Variants in ERG observed in about 807,000 individuals in gnomAD.
ERG encodes the protein ETS transcription factor ERG.
A neutral mutation model predicts 55.3 loss-of-function variants in ERG; 9 were observed. That is an observed-to-expected ratio of 0.16 (90% CI 0.10 to 0.28). The LOEUF is 0.28. Ranked by LOEUF, ERG falls within the 10% of genes least tolerant of loss-of-function variation. ERG has a pLI of 1.00. For synonymous variants in ERG, 223 were observed against 237.3 expected, an observed-to-expected ratio of 0.94 and a Z score of 0.55; for missense variants, 434 against 631.6, an observed-to-expected ratio of 0.69 and a Z score of 3.35.
Position 38,592,652 on chromosome 21 carries a change from A to G in ERG, c.-149-7707T>C, listed in dbSNP as rs187289728. Among the ~76,000 whole-genome samples the G allele has an allele frequency of 2.2e-3, 328 of 151,966 alleles. 2 individuals carry two copies. The highest frequency in any genetic ancestry group is 7.1e-3 in the African/African-American group (296 of 41,428). ...TGCACCACTAACTCTGCTATACTTT[A>G]GAACTCAGTAAGGCAATCCTTAGAC... On this transcript the variant is annotated intron_variant, in intron 1 of 10. Transcript: ENST00000398910.
In ERG at chr21:38,475,652, TAAACTAGAGGTC is replaced by T. The variant is rs577933430; in HGVS notation, c.18+22699_18+22710del. Among the ~76,000 whole-genome samples, 11 of 152,324 alleles carry T rather than the reference TAAACTAGAGGTC, an allele frequency of 7.2e-5. No individual in the cohort carries two copies. In the East Asian group the frequency reaches 1.7e-3, roughly 24 times the overall value. The stretch of plus-strand genomic sequence containing the variant: ...ACAGGCCTTGCCTGATCATGTTCTC[TAAACTAGAGGTC>T]CCGCCCCCCGGCCACCTGGCTCTAT... On this transcript the variant is annotated intron_variant, in intron 1 of 9. Coordinates refer to ENST00000288319, the MANE Select transcript of ERG (RefSeq NM_182918.4).
intron 1 of ERG, among the ~76,000 whole-genome samples, chr21:38,578,213 C>A (rs574186686): frequency 6.6e-6 from 1 of 152,318 alleles, no homozygotes; most frequent in South Asian, 2.1e-4. Context: ...AGAATCATGA[C>A]CAATAATAAA....
chr21:38,585,532 C>CTTTTTTTTTTTT (rs760791568), upstream of ERG, among the ~76,000 whole-genome samples: 1,157 of 59,254 alleles, frequency 0.02, 284 homozygotes, highest in African/African-American at 0.027. Context: ...TCTCTCTCTT[C>CTTTTTTTTTTTT]TTTTTTTTTT....
chr21:38,652,766 C>G (rs2060495739), intron 1 of ERG, among the ~76,000 whole-genome samples: 1 of 152,232 alleles, frequency 6.6e-6, no homozygotes, highest in South Asian at 2.1e-4. Context: ...GGCTGTCTCC[C>G]TGCTCGGGAA....
Position 38,423,528 on chromosome 21 carries a change from G to C in ERG, c.270C>G (p.Gly90=). ...TGTCTGGGCTGCCCACCATCTTCCC[G>C]CCTTTGGCCACACTGCATTCATCAG... ...NSPDECSVAK[G]GKMVGSPDTV... The change falls in exon 3 of 10, where the codon GGC becomes GGG. Residue 90 remains glycine, a synonymous_variant. Coordinates refer to ENST00000288319, the MANE Select transcript of ERG (RefSeq NM_182918.4). 3.7e-6 allele frequency: 6 copies of C among 1,614,002 alleles called. No individual in the cohort carries two copies. Among genetic ancestry groups the C allele is most frequent in the Non-Finnish European group, 5.1e-6 (6 of 1,179,896 alleles).
chr21:38,477,805 A>G lies in ERG; in HGVS notation c.18+20558T>C, dbSNP rs537527421. ...AAAAAAATGTAAAGTACATGCAGAA[A>G]GTCATATGAGGGAACCAAACCTCTA... On this transcript the variant is annotated intron_variant, in intron 1 of 9. Coordinates refer to ENST00000288319, the MANE Select transcript of ERG (RefSeq NM_182918.4). 2.0e-5 allele frequency among the ~76,000 whole-genome samples: 3 copies of G among 152,352 alleles called. No homozygotes were observed. The East Asian group carries it at 5.8e-4, about 29-fold the overall frequency.
chr21:38,556,391 A>C (rs1246833318), intron 2 of ERG, among the ~76,000 whole-genome samples: 1 of 152,148 alleles, frequency 6.6e-6, no homozygotes, highest in African/African-American at 2.4e-5. Context: ...CATGGGAGAA[A>C]AAATGAAGAA....
At position 38,470,075 on chromosome 21, in the gene ERG, G is replaced by A. The variant is rs141468754; in HGVS notation, c.19-24454C>T. 1.5e-3 allele frequency among the ~76,000 whole-genome samples: 225 copies of A among 152,198 alleles called. 2 individuals carry two copies. Among genetic ancestry groups the A allele is most frequent in the African/African-American group, 5.1e-3 (213 of 41,524 alleles). On this transcript the variant is annotated intron_variant, in intron 1 of 9. Transcript: ENST00000288319. ...GTATCTGATTCATTTCTGTATCTCC[G>A]GAACCCACTGCACAGCTGCTGAATG...
intron 1 of ERG, among the ~76,000 whole-genome samples, chr21:38,453,292 C>G (rs1374165339): frequency 6.6e-6 from 1 of 152,224 alleles, no homozygotes; most frequent in Non-Finnish European, 1.5e-5. Flanking sequence ...AGCATTCAAT[C>G]TGGAAAGCAG....
rs142996574 is a variant in ERG at position 38,445,436 on chromosome 21, C to T, written c.204G>A (p.Met68Ile). ...SQPPARVTIK[M>I]ECNPSQVNGS... ...CATTCACCTGGCTAGGGTTACATTC[C>T]ATTTTGATGGTGACCCTGGCTGGGG... Residue 68 changes from methionine to isoleucine, a missense_variant, in exon 2 of 10, where the codon ATG becomes ATA. By Grantham distance (10) the Met-to-Ile change is conservative (BLOSUM62 1). This residue lies in a region of ERG where 212 missense variants were observed against 262.9 expected (regional missense o/e 0.81). Transcript: ENST00000288319. The T allele has an allele frequency of 1.2e-5, 20 of 1,614,034 alleles. No homozygotes were observed. The highest frequency in any genetic ancestry group is 1.7e-5 in the Non-Finnish European group (20 of 1,180,028).
At chr21:38,464,760 T>A (rs2059073754) in intron 1 of ERG, among the ~76,000 whole-genome samples, 1 of 151,856 alleles carries the variant, frequency 6.6e-6, no homozygotes, top group African/African-American at 2.4e-5. Flanking sequence ...GTTCCCCTCC[T>A]TGTGTCCATG....
chr21:38,443,334 C>T (rs571998500), intron 2 of ERG, among the ~76,000 whole-genome samples: 1 of 152,192 alleles, frequency 6.6e-6, no homozygotes, highest in African/African-American at 2.4e-5. Flanking sequence ...TTTCCTTCCT[C>T]TCTCCCCACC....
At chr21:38,630,413 A>G (rs1191121286) in intron 1 of ERG, among the ~76,000 whole-genome samples, 2 of 152,122 alleles carry the variant, frequency 1.3e-5, no homozygotes, top group South Asian at 4.1e-4. Flanking sequence ...ATGATCCAAC[A>G]TGGCTGCTCC....
intron 1 of ERG, among the ~76,000 whole-genome samples, chr21:38,655,399 C>G (rs1167189768): frequency 2.0e-5 from 3 of 152,150 alleles, no homozygotes; most frequent in Non-Finnish European, 4.4e-5. Flanking sequence ...GCCTAAGCTT[C>G]CCAATTCTCC....
chr21:38,539,811 G>A (rs898830803), intron 2 of ERG, among the ~76,000 whole-genome samples: 14 of 151,974 alleles, frequency 9.2e-5, no homozygotes, highest in Admixed American at 9.2e-4. Context: ...CTGACCCCAG[G>A]TTGGCGTCTT....
At chr21:38,551,324 G>T (rs1414127723) in intron 2 of ERG, among the ~76,000 whole-genome samples, 2 of 151,764 alleles carry the variant, frequency 1.3e-5, no homozygotes, top group African/African-American at 2.4e-5. Context: ...CTTTTGCATG[G>T]TTTTTTTGTA....
At chr21:38,491,006 A>C (rs2059330683) in intron 1 of ERG, among the ~76,000 whole-genome samples, 1 of 152,194 alleles carries the variant, frequency 6.6e-6, no homozygotes, top group Non-Finnish European at 1.5e-5. Context: ...AGGTCAGGGA[A>C]GGCACACATA....
chr21:38,532,264 T>TG (rs2059677788), intron 2 of ERG, among the ~76,000 whole-genome samples: 1 of 151,520 alleles, frequency 6.6e-6, no homozygotes, highest in Non-Finnish European at 1.5e-5. Context: ...TGCTAATTTC[T>TG]GGATTCTTTT....
At chr21:38,373,101 A>T in the ERG span, among the ~76,000 whole-genome samples, 1 of 152,158 alleles carries the variant, frequency 6.6e-6, no homozygotes. Flanking sequence ...AGGTACAGGG[A>T]TCCCTGATGG....
Sources: allele counts gnomAD v4.1 joint callset (sites outside exome capture counted in the v4.1 genomes callset), GRCh38; gene constraint gnomAD v4.1.1; regional missense constraint gnomAD v4.1.1; transcripts MANE v1.5; gene names NCBI Gene and HGNC (gene_info 2026-07-23, HGNC 2026-07-21).